SFRP1: variants seen among roughly 807,000 people sequenced by gnomAD.
The protein encoded by SFRP1 is secreted frizzled-related protein 1.
Under a neutral mutation model 25.9 loss-of-function variants are expected in SFRP1, and 9 were observed. The ratio of observed to expected loss-of-function variants is 0.35; its 90% confidence interval spans 0.21 to 0.61. SFRP1 has a LOEUF of 0.61. Among genes scored for constraint, SFRP1 ranks in the 20% least tolerant of loss-of-function variants. The pLI, the probability that SFRP1 is intolerant of heterozygous loss-of-function variation, is 0.78. For synonymous variants in SFRP1, 178 were observed against 174.0 expected (o/e 1.02, Z -0.18); for missense variants, 346 against 418.2 (o/e 0.83, Z 1.51).
chr8:41,276,580 C>A (rs901941384), intron 2 of SFRP1, among the ~76,000 whole-genome samples: 3 of 152,168 alleles, frequency 2.0e-5, no homozygotes, highest in African/African-American at 7.2e-5. Context: ...TGACCACAAG[C>A]CACATGCTGC....
chr8:41,273,201 T>C lies in SFRP1; in HGVS notation c.623-7712A>G, dbSNP rs554862652. On this transcript the variant is annotated intron_variant, in intron 2 of 2. Transcript: ENST00000220772. The stretch of plus-strand genomic sequence containing the variant: ...CAGAATTTTTTTAATTTATAAAATG[T>C]ATTATCAGCCAGGCACAGTGGCTCA... 1.4e-4 allele frequency among the ~76,000 whole-genome samples: 21 copies of C among 152,324 alleles called. No individual in the cohort carries two copies. In the South Asian group the frequency reaches 3.3e-3, roughly 24 times the overall value.
intron 2 of SFRP1, among the ~76,000 whole-genome samples, chr8:41,279,272 C>CCAGACTGGAACTCTCTGCA (rs1803606637): frequency 6.6e-6 from 1 of 152,136 alleles, no homozygotes; most frequent in African/African-American, 2.4e-5. Context: ...GACTCACTCG[C>CCAGACTGGAACTCTCTGCA]CAGACTGGAA....
chr8:41,267,611 T>C (rs1423659182), intron 2 of SFRP1, among the ~76,000 whole-genome samples: 1 of 152,242 alleles, frequency 6.6e-6, no homozygotes, highest in Non-Finnish European at 1.5e-5. Context: ...TATGAAAGCA[T>C]GTGACCTGCC....
At chr8:41,266,858 G>C (rs1215660755) in intron 2 of SFRP1, among the ~76,000 whole-genome samples, 1 of 152,214 alleles carries the variant, frequency 6.6e-6, no homozygotes, top group Non-Finnish European at 1.5e-5. Flanking sequence ...TGTGCACTCA[G>C]CAAGGGAAAG....
At chr8:41,270,569 C>T (rs1226439305) in intron 2 of SFRP1, among the ~76,000 whole-genome samples, 10 of 152,118 alleles carry the variant, frequency 6.6e-5, no homozygotes, top group Admixed American at 5.2e-4. Flanking sequence ...ATCACAGAGG[C>T]TGTCAATGTT....
At chr8:41,283,992 C>G (rs970995720) in intron 2 of SFRP1, among the ~76,000 whole-genome samples, 40 of 152,156 alleles carry the variant, frequency 2.6e-4, no homozygotes, top group Non-Finnish European at 4.7e-4. Flanking sequence ...CCTAGCTGGG[C>G]CAGGGGACTC....
chr8:41,265,126 A>ACCCC lies in SFRP1; in HGVS notation c.*37_*40dup. On this transcript the variant is annotated 3_prime_UTR_variant, in exon 3 of 3. Coordinates refer to ENST00000220772, the MANE Select transcript of SFRP1 (RefSeq NM_003012.5). ...CCGGGGCACTGTCCCCCCCGCTCCCACCCCACCCGAGGCTCCCTCCCCACC... is the reference window on the plus strand; with the variant it reads ...CCGGGGCACTGTCCCCCCCGCTCCCACCCCCCCCACCCGAGGCTCCCTCCCCACC... 1 of 136,966 alleles carries ACCCC rather than the reference A, an allele frequency of 7.3e-6. No individual in the cohort carries two copies. The allele number at this position is 136,966 out of a possible 1,614,324, so 8.5% of individuals were successfully genotyped here.
intron 2 of SFRP1, among the ~76,000 whole-genome samples, chr8:41,285,081 A>C (rs961078347): frequency 1.3e-5 from 2 of 152,236 alleles, no homozygotes; most frequent in Non-Finnish European, 2.9e-5. Flanking sequence ...ATTTCCTCTA[A>C]AGAAAAATTG....
At chr8:41,302,846 TTC>T (rs1803942022) in intron 2 of SFRP1, among the ~76,000 whole-genome samples, 1 of 150,124 alleles carries the variant, frequency 6.7e-6, no homozygotes, top group Non-Finnish European at 1.5e-5. Flanking sequence ...TGGTTCAGAA[TTC>T]TCTTTCGATG....
chr8:41,283,818 C>G (rs1803665242), intron 2 of SFRP1, among the ~76,000 whole-genome samples: 1 of 152,148 alleles, frequency 6.6e-6, no homozygotes, highest in Admixed American at 6.5e-5. Flanking sequence ...CCACCTTGGC[C>G]TCCCAAAGTG....
At chr8:41,278,779 C>T (rs1050690924) in intron 2 of SFRP1, among the ~76,000 whole-genome samples, 2 of 152,226 alleles carry the variant, frequency 1.3e-5, no homozygotes, top group Admixed American at 1.3e-4. Context: ...GATCTTCATG[C>T]CATCCCATGT....
chr8:41,296,703 G>A (rs1333891664), intron 2 of SFRP1, among the ~76,000 whole-genome samples: 3 of 152,162 alleles, frequency 2.0e-5, no homozygotes, highest in Non-Finnish European at 2.9e-5. Flanking sequence ...GGAGAAAAAT[G>A]GAGAACAAAG....
chr8:41,293,923 CT>C (rs1803808943), intron 2 of SFRP1, among the ~76,000 whole-genome samples: 1 of 149,986 alleles, frequency 6.7e-6, no homozygotes, highest in Non-Finnish European at 1.5e-5. Context: ...CCATATCTGG[CT>C]ACTTTTTTTT....
At chr8:41,302,661 G>C (rs117685158) in intron 2 of SFRP1, among the ~76,000 whole-genome samples, 2,475 of 152,296 alleles carry the variant, frequency 0.016, 36 homozygotes, top group Non-Finnish European at 0.027. Context: ...CCCTCCAAAG[G>C]GGTGCCGTTT....
chr8:41,265,449 G>A lies in SFRP1; in HGVS notation c.663C>T (p.Gly221=), dbSNP rs145952780. The A allele has an allele frequency of 2.7e-5, 44 of 1,607,328 alleles. No homozygotes were observed. The African/African-American group carries it at 3.1e-4, about 11-fold the overall frequency. ...MKIKEVKKEN[G]DKKIVPKKKK... is the part of the protein sequence containing the mutation. Reference sequence around the variant, plus strand: ...TCTTCTTGGGGACAATCTTCTTGTCGCCATTTTCTTTTTTCACTTCTTTTA... The same window carrying A: ...TCTTCTTGGGGACAATCTTCTTGTCACCATTTTCTTTTTTCACTTCTTTTA... Residue 221 remains glycine (G), a synonymous_variant, in exon 3 of 3, where the codon GGC becomes GGT. Transcript: ENST00000220772.
At chr8:41,303,596 C>G in intron 1 of SFRP1, 58 bp from the exon 2 acceptor site, 2 of 1,426,892 alleles carry the variant, frequency 1.4e-6, no homozygotes, top group Non-Finnish European at 2.0e-6. Context: ...AAGGGAGCAG[C>G]CCCTGGGGAA....
At chr8:41,305,582 G>A (rs1237034016) in intron 1 of SFRP1, among the ~76,000 whole-genome samples, 1 of 152,194 alleles carries the variant, frequency 6.6e-6, no homozygotes, top group Non-Finnish European at 1.5e-5. Flanking sequence ...GGCTCTACAG[G>A]CTGCCTCTGC....
At chr8:41,308,464 A>C in intron 1 of SFRP1, 152 bp downstream of exon 1, 1 of 646,028 alleles carries the variant, frequency 1.5e-6, no homozygotes, top group Non-Finnish European at 2.6e-6. Context: ...CGCGCTTAGG[A>C]ATCACGTGCA....
chr8:41,266,335 G>A (rs182727217), intron 2 of SFRP1, among the ~76,000 whole-genome samples: 22 of 152,208 alleles, frequency 1.4e-4, no homozygotes, highest in African/African-American at 4.6e-4. Flanking sequence ...ATCATGCACT[G>A]CTTTAAGAGA....
Sources: gnomAD v4.1 joint callset for allele counts (sites outside exome capture counted in the v4.1 genomes callset) on GRCh38, gnomAD v4.1.1 for gene constraint, MANE v1.5 for transcripts, NCBI Gene and HGNC (gene_info 2026-07-23, HGNC 2026-07-21) for gene names.